Variants in XKR9 observed in about 807,000 individuals in gnomAD.
XKR9 encodes the protein XK-related protein 9.
In XKR9, 32 loss-of-function variants were observed where a neutral mutation model predicts 32.0. The ratio of observed to expected loss-of-function variants is 1.00; its 90% confidence interval spans 0.76 to 1.34. The LOEUF (loss-of-function observed/expected upper bound fraction) is 1.34, where lower values mean the gene tolerates loss of function less well. Ranked by LOEUF, XKR9 falls within the 40% of genes most tolerant of loss-of-function variation. The pLI is 0.00. For missense variants in XKR9, 546 were observed against 429.7 expected (o/e 1.27, Z -2.39); for synonymous variants, 168 against 143.4 (o/e 1.17, Z -1.22).
At chr8:71,024,323 T>C in the XKR9 span, among the ~76,000 whole-genome samples, 1 of 152,112 alleles carries the variant, frequency 6.6e-6, no homozygotes, top group East Asian at 1.9e-4. Flanking sequence ...GTATCACCCT[T>C]TTGCTAGTGT....
chr8:70,919,382 T>C, the XKR9 span, among the ~76,000 whole-genome samples: 1 of 152,306 alleles, frequency 6.6e-6, no homozygotes, highest in Admixed American at 6.5e-5. Context: ...GATTTTTTGG[T>C]TTGCTCTCCT....
the XKR9 span, among the ~76,000 whole-genome samples, chr8:70,933,050 G>A: frequency 6.6e-6 from 1 of 152,020 alleles, no homozygotes; most frequent in Non-Finnish European, 1.5e-5. Flanking sequence ...TAAAACCCGG[G>A]CCTACCTTCT....
At chr8:70,885,163 C>A in the XKR9 span, among the ~76,000 whole-genome samples, 1 of 151,488 alleles carries the variant, frequency 6.6e-6, no homozygotes, top group Admixed American at 6.6e-5. Flanking sequence ...TTTTAAATTT[C>A]AATTTCTAAT....
chr8:70,800,676 G>A, the XKR9 span, among the ~76,000 whole-genome samples: 978 of 152,120 alleles, frequency 6.4e-3, 9 homozygotes, highest in African/African-American at 0.022. Flanking sequence ...AGTAGAGATG[G>A]CATTTCACCA....
At chr8:70,778,841 A>G (rs1203206325) in intron 2 of XKR9, among the ~76,000 whole-genome samples, 2 of 152,068 alleles carry the variant, frequency 1.3e-5, no homozygotes, top group Admixed American at 1.3e-4. Flanking sequence ...GCTTAAGGAG[A>G]TTTTGGGCTG....
chr8:71,045,155 T>A, the XKR9 span, among the ~76,000 whole-genome samples: 1 of 152,222 alleles, frequency 6.6e-6, no homozygotes, highest in East Asian at 1.9e-4. Flanking sequence ...CATATTAAAG[T>A]AATTTATCAA....
the XKR9 span, among the ~76,000 whole-genome samples, chr8:71,041,492 A>G: frequency 8.7e-4 from 133 of 152,304 alleles, no homozygotes; most frequent in African/African-American, 3.1e-3. Flanking sequence ...TGTGTTCACT[A>G]TAATATATGG....
At chr8:71,011,984 TC>T in the XKR9 span, among the ~76,000 whole-genome samples, 1 of 152,120 alleles carries the variant, frequency 6.6e-6, no homozygotes, top group Non-Finnish European at 1.5e-5. Flanking sequence ...TTAGCTGGTA[TC>T]CCACCCTACC....
the XKR9 span, among the ~76,000 whole-genome samples, chr8:70,889,603 C>G: frequency 6.6e-6 from 1 of 151,734 alleles, no homozygotes; most frequent in African/African-American, 2.4e-5. Context: ...ATCTTTATGT[C>G]CATGAGTACC....
the XKR9 span, among the ~76,000 whole-genome samples, chr8:70,964,971 C>A: frequency 6.6e-6 from 1 of 152,280 alleles, no homozygotes; most frequent in East Asian, 1.9e-4. Context: ...CTGGCCAGAG[C>A]TTTCAATACT....
At chr8:70,741,563 A>C (rs922100050) in intron 2 of XKR9, among the ~76,000 whole-genome samples, 3 of 152,240 alleles carry the variant, frequency 2.0e-5, no homozygotes, top group Non-Finnish European at 4.4e-5. Flanking sequence ...AGCATGTGAC[A>C]AGATTTACTT....
chr8:70,739,965 G>A (rs527368314), downstream of XKR9, among the ~76,000 whole-genome samples: 3 of 152,260 alleles, frequency 2.0e-5, no homozygotes, highest in East Asian at 5.8e-4. Flanking sequence ...CTCTTCTTGA[G>A]GAGTATCTTT....
the XKR9 span, among the ~76,000 whole-genome samples, chr8:70,973,347 CTCT>C: frequency 6.6e-6 from 1 of 152,052 alleles, no homozygotes; most frequent in South Asian, 2.1e-4. Context: ...TGGATCCTCT[CTCT>C]TCTTTTCTTC....
At chr8:70,905,523 A>G in the XKR9 span, among the ~76,000 whole-genome samples, 253 of 152,242 alleles carry the variant, frequency 1.7e-3, 1 homozygote, top group Admixed American at 3.5e-3. Context: ...CATTCGTCTA[A>G]TCTTTTTTCA....
chr8:70,887,971 G>A, the XKR9 span, among the ~76,000 whole-genome samples: 22 of 152,228 alleles, frequency 1.4e-4, no homozygotes, highest in African/African-American at 3.1e-4. Flanking sequence ...TTGAATAGGA[G>A]TGGTAAGACA....
At chr8:70,808,023 C>T in the XKR9 span, among the ~76,000 whole-genome samples, 1 of 151,380 alleles carries the variant, frequency 6.6e-6, no homozygotes, top group South Asian at 2.1e-4. Flanking sequence ...GTAAACCACT[C>T]CTTAGGAAAT....
At position 70,709,055 on chromosome 8, in the gene XKR9, A is replaced by G. The variant is rs144371429; in HGVS notation, c.493+1902A>G. Among the ~76,000 whole-genome samples, 9 of 152,306 alleles carry G rather than the reference A, an allele frequency of 5.9e-5. No homozygotes were observed. The East Asian group carries it at 1.7e-3, about 29-fold the overall frequency. ...TAGGCACAAAAATCCTCAACAAAAT[A>G]CTATCAAATGAAATCCAGCAGCACA... On this transcript the variant is annotated intron_variant, in intron 4 of 4. Coordinates refer to ENST00000408926, the MANE Select transcript of XKR9 (RefSeq NM_001011720.2).
the XKR9 span, among the ~76,000 whole-genome samples, chr8:70,874,972 G>C: frequency 1.3e-5 from 2 of 152,106 alleles, no homozygotes; most frequent in Non-Finnish European, 1.5e-5. Flanking sequence ...CTCGTCCTTG[G>C]AACTAGTTTA....
intron 2 of XKR9, among the ~76,000 whole-genome samples, chr8:70,676,632 TTAATC>T (rs1265091042): frequency 1.4e-4 from 21 of 152,222 alleles, no homozygotes; most frequent in Non-Finnish European, 2.4e-4. Flanking sequence ...CCATATTAGA[TTAATC>T]TATTGCATCT....
Sources: gnomAD v4.1 joint callset for allele counts (sites outside exome capture counted in the v4.1 genomes callset) on GRCh38, gnomAD v4.1.1 for gene constraint, MANE v1.5 for transcripts, NCBI Gene and HGNC (gene_info 2026-07-23, HGNC 2026-07-21) for gene names.